MUSK: variants seen among roughly 807,000 people sequenced by gnomAD.
The protein encoded by MUSK is muscle associated receptor tyrosine kinase.
In MUSK, 55 loss-of-function variants were observed where a neutral mutation model predicts 88.7. The ratio of observed to expected loss-of-function variants is 0.62; its 90% CI spans 0.50 to 0.78. The LOEUF (loss-of-function observed/expected upper bound fraction) is 0.78. MUSK is among the 30% of genes least tolerant of loss of function. MUSK has a pLI of 0.00. For synonymous variants in MUSK, 387 were observed against 391.9 expected, an observed-to-expected ratio of 0.99 and a Z score of 0.15; for missense variants, 1,015 against 1,074.3, an observed-to-expected ratio of 0.94 and a Z score of 0.77.
Position 110,800,887 on chromosome 9 carries a change from C to G in MUSK, c.2509C>G (p.Leu837Val), listed in dbSNP as rs1285790890. The change falls in exon 15 of 15, where the codon CTA becomes GTA. Residue 837 changes from leucine to valine, a missense_variant. Coordinates refer to ENST00000374448, the MANE Select transcript of MUSK (RefSeq NM_005592.4). ...CPVELYNLMR[L>V]CWSKLPADRP... Reference sequence around the variant, plus strand: ...CGTGGAGCTGTACAATCTCATGCGTCTATGTTGGAGCAAGCTGCCTGCAGA... The same window carrying G: ...CGTGGAGCTGTACAATCTCATGCGTGTATGTTGGAGCAAGCTGCCTGCAGA... 1 of 1,569,590 alleles carries G rather than the reference C, an allele frequency of 6.4e-7. No homozygotes were observed. Among genetic ancestry groups the G allele is most frequent in the Non-Finnish European group, 8.6e-7 (1 of 1,157,284 alleles).
At chr9:110,789,753 T>C (rs944209464) in intron 14 of MUSK, among the ~76,000 whole-genome samples, 4 of 152,040 alleles carry the variant, frequency 2.6e-5, no homozygotes, top group Non-Finnish European at 5.9e-5. Context: ...CACTCCAGCC[T>C]GTGTGACAGA....
chr9:110,705,058 T>G (rs1279664906), intron 5 of MUSK, among the ~76,000 whole-genome samples: 1 of 152,044 alleles, frequency 6.6e-6, no homozygotes, highest in Non-Finnish European at 1.5e-5. Context: ...AGGCCTATAC[T>G]TTTTGCATCT....
rs7869057 is a variant in MUSK, at chr9:110,686,991, G to C, written c.207-126G>C. ...AGTAAGGTTATTCTATTATTCAGAA[G>C]TCACTCAAGTTTCCTCTCACCTTTA... On this transcript the variant is annotated intron_variant, in intron 2 of 14. Transcript: ENST00000374448. 525,783 of 801,626 alleles carry C rather than the reference G, an allele frequency of 0.66. 177,346 individuals are homozygous for C. Among genetic ancestry groups the C allele is most frequent in the African/African-American group, 0.88 (50,920 of 58,146 alleles). The allele number at this position is 801,626 out of a possible 1,614,324, so 49.7% of individuals were successfully genotyped here.
At chr9:110,741,555 A>G (rs982587088) in intron 6 of MUSK, among the ~76,000 whole-genome samples, 3 of 152,192 alleles carry the variant, frequency 2.0e-5, no homozygotes, top group African/African-American at 7.2e-5. Flanking sequence ...GCCAAATTCT[A>G]TGGCTACCCC....
At chr9:110,755,819 A>G (rs1486309787) in intron 7 of MUSK, among the ~76,000 whole-genome samples, 4 of 151,310 alleles carry the variant, frequency 2.6e-5, no homozygotes, top group African/African-American at 9.7e-5. Context: ...GTGTTTTCCT[A>G]AATGGAATAT....
chr9:110,676,824 T>C (rs1452348317), intron 1 of MUSK, among the ~76,000 whole-genome samples: 2 of 152,168 alleles, frequency 1.3e-5, no homozygotes, highest in Non-Finnish European at 2.9e-5. Flanking sequence ...GTTGCTTCCA[T>C]GTCTTTGCTA....
At chr9:110,745,059 C>T (rs758310498) in intron 6 of MUSK, among the ~76,000 whole-genome samples, 1 of 152,174 alleles carries the variant, frequency 6.6e-6, no homozygotes, top group Non-Finnish European at 1.5e-5. Context: ...ATGGGGCCTG[C>T]TGTGCGTGAG....
At chr9:110,746,153 G>T (rs2077172299) in intron 6 of MUSK, among the ~76,000 whole-genome samples, 2 of 152,148 alleles carry the variant, frequency 1.3e-5, no homozygotes, top group African/African-American at 4.8e-5. Context: ...TTAAGATAAA[G>T]TCAAAGCATA....
intron 14 of MUSK, among the ~76,000 whole-genome samples, chr9:110,798,302 T>G (rs2132059214): frequency 6.6e-6 from 1 of 152,330 alleles, no homozygotes; most frequent in Admixed American, 6.5e-5. Context: ...TGTTCGTATC[T>G]TAAAAATTGT....
intron 11 of MUSK, among the ~76,000 whole-genome samples, chr9:110,783,758 T>G (rs1564289987): frequency 6.6e-6 from 1 of 152,022 alleles, no homozygotes; most frequent in East Asian, 1.9e-4. Context: ...CCCAAAGTCT[T>G]GGGTTAAATG....
At chr9:110,701,384 GA>G (rs900658717) in intron 5 of MUSK, among the ~76,000 whole-genome samples, 2 of 152,186 alleles carry the variant, frequency 1.3e-5, no homozygotes, top group Non-Finnish European at 2.9e-5. Context: ...AAGGATTTGA[GA>G]CTATTGCAAA....
intron 5 of MUSK, among the ~76,000 whole-genome samples, chr9:110,731,487 GA>G (rs1468220096): frequency 6.6e-6 from 1 of 151,958 alleles, no homozygotes; most frequent in Non-Finnish European, 1.5e-5. Flanking sequence ...TTTCAATACT[GA>G]AAAAAGGGGG....
intron 12 of MUSK, 47 bp downstream of exon 12, chr9:110,785,063 C>T (rs2077831414): frequency 1.3e-6 from 2 of 1,549,560 alleles, no homozygotes; most frequent in African/African-American, 1.4e-5. Context: ...ATTTTAAAGC[C>T]TTGTGTTTTA....
chr9:110,721,513 T>C (rs2076810620), intron 5 of MUSK, among the ~76,000 whole-genome samples: 1 of 151,892 alleles, frequency 6.6e-6, no homozygotes, highest in Non-Finnish European at 1.5e-5. Flanking sequence ...TAAAATAAAA[T>C]ACTTAAGAAT....
chr9:110,755,278 G>A (rs972556706), intron 7 of MUSK, among the ~76,000 whole-genome samples: 1 of 152,060 alleles, frequency 6.6e-6, no homozygotes, highest in Non-Finnish European at 1.5e-5. Flanking sequence ...TTTAGGGGAG[G>A]GATAAAATTT....
At chr9:110,724,931 T>C (rs1206545739) in intron 5 of MUSK, among the ~76,000 whole-genome samples, 6 of 151,988 alleles carry the variant, frequency 3.9e-5, no homozygotes, top group Admixed American at 1.3e-4. Context: ...TGTTTAAAAG[T>C]GATATTTTTA....
chr9:110,800,247 C>T, intron 14 of MUSK, 59 bp from the exon 15 acceptor site: 1 of 1,447,166 alleles, frequency 6.9e-7, no homozygotes, highest in Non-Finnish European at 9.4e-7. Context: ...TTTTGGAGTG[C>T]TCTTTCCATT....
chr9:110,767,171 C>G (rs1320816925), intron 8 of MUSK, among the ~76,000 whole-genome samples: 3 of 152,174 alleles, frequency 2.0e-5, no homozygotes, highest in Non-Finnish European at 4.4e-5. Context: ...GTTGACTTTC[C>G]ATGTGATGAG....
chr9:110,677,937 G>C (rs2076052841), intron 1 of MUSK, among the ~76,000 whole-genome samples: 1 of 151,832 alleles, frequency 6.6e-6, no homozygotes, highest in Non-Finnish European at 1.5e-5. Flanking sequence ...TTATATTTTT[G>C]CAAGGATTTT....
Sources: allele counts gnomAD v4.1 joint callset (sites outside exome capture counted in the v4.1 genomes callset), GRCh38; gene constraint gnomAD v4.1.1; transcripts MANE v1.5; gene names NCBI Gene and HGNC (gene_info 2026-07-23, HGNC 2026-07-21).